NPAS3: variants seen among roughly 807,000 people sequenced by gnomAD.
The protein encoded by NPAS3 is neuronal PAS domain-containing protein 3.
A neutral mutation model predicts 73.1 loss-of-function variants in NPAS3; 14 were observed. The ratio of observed to expected loss-of-function variants is 0.19; its 90% confidence interval spans 0.13 to 0.30. The LOEUF (loss-of-function observed/expected upper bound fraction) is 0.30. NPAS3 is among the 10% of genes least tolerant of loss of function. The pLI is 1.00. For synonymous variants in NPAS3, 620 were observed against 541.5 expected, an observed-to-expected ratio of 1.14 and a Z score of -2.01; for missense variants, 1,096 against 1,250.0, an observed-to-expected ratio of 0.88 and a Z score of 1.86.
At position 33,709,295 on chromosome 14, in the gene NPAS3, T is replaced by C. The variant is rs184932070; in HGVS notation, c.734-25919T>C. Among the ~76,000 whole-genome samples the C allele has an allele frequency of 3.9e-3, 591 of 152,338 alleles. 3 individuals are homozygous for C. The highest frequency in any genetic ancestry group is 6.8e-3 in the Middle Eastern group (2 of 294). On this transcript the variant is annotated intron_variant, in intron 6 of 11. Transcript: ENST00000356141. ...ATGAATAGGAGGTTAATCAGCTTCT[T>C]ATAAATTTTAGCTATTTCAAATTTA... is the stretch of plus-strand genomic sequence containing the variant.
chr14:32,948,800 G>A (rs1026883264), intron 1 of NPAS3, among the ~76,000 whole-genome samples: 2 of 151,852 alleles, frequency 1.3e-5, no homozygotes, highest in Non-Finnish European at 2.9e-5. Flanking sequence ...CATATATATC[G>A]ATTGCGGTAG....
rs192242740 is a variant in NPAS3 at position 33,697,014 on chromosome 14, G to A, written c.733+20629G>A. Among the ~76,000 whole-genome samples the A allele has an allele frequency of 6.6e-5, 10 of 152,262 alleles. No homozygotes were observed. In the East Asian group the frequency reaches 1.9e-3, roughly 29 times the overall value. On this transcript the variant is annotated intron_variant, in intron 6 of 11. Coordinates refer to ENST00000356141, the Ensembl canonical transcript of NPAS3. ...CTTTTCTAATGATACATTCAGTGAT[G>A]GGCCTTTTCTGAGCTATAGAAGAAA...
intron 5 of NPAS3, among the ~76,000 whole-genome samples, chr14:33,579,013 C>G (rs2056557729): frequency 6.6e-6 from 1 of 152,180 alleles, no homozygotes; most frequent in Non-Finnish European, 1.5e-5. Flanking sequence ...ATGACAACAG[C>G]AAGTTATACC....
chr14:33,074,254 CAA>C (rs920893284), intron 2 of NPAS3, among the ~76,000 whole-genome samples: 4 of 152,228 alleles, frequency 2.6e-5, no homozygotes, highest in Admixed American at 1.3e-4. Flanking sequence ...ATATAGGAAA[CAA>C]ATACATGTTA....
chr14:32,949,497 A>G (rs1192442066), intron 1 of NPAS3, among the ~76,000 whole-genome samples: 1 of 152,058 alleles, frequency 6.6e-6, no homozygotes, highest in Non-Finnish European at 1.5e-5. Context: ...TATTGCTCTG[A>G]TATGTGAATG....
At chr14:33,755,584 C>T (rs934725648) in intron 7 of NPAS3, among the ~76,000 whole-genome samples, 4 of 152,036 alleles carry the variant, frequency 2.6e-5, no homozygotes, top group Non-Finnish European at 4.4e-5. Context: ...CACTCTAGAC[C>T]GGGTGGGCGT....
At chr14:32,976,341 A>G (rs2037676163) in intron 1 of NPAS3, among the ~76,000 whole-genome samples, 1 of 152,132 alleles carries the variant, frequency 6.6e-6, no homozygotes, top group South Asian at 2.1e-4. Context: ...GGTGGTTTGT[A>G]GGGAGACTCA....
chr14:33,745,071 T>C (rs1031253782), intron 7 of NPAS3, among the ~76,000 whole-genome samples: 2 of 151,552 alleles, frequency 1.3e-5, no homozygotes, highest in African/African-American at 4.9e-5. Flanking sequence ...CAAGACCCCC[T>C]CTCTACAAAA....
chr14:33,032,777 G>T (rs1389887843), intron 1 of NPAS3, among the ~76,000 whole-genome samples: 1 of 152,164 alleles, frequency 6.6e-6, no homozygotes, highest in African/African-American at 2.4e-5. Context: ...CCCTTCCAGT[G>T]CTTCTGTTAT....
At chr14:33,422,620 A>C (rs1451529300) in intron 4 of NPAS3, among the ~76,000 whole-genome samples, 1 of 151,966 alleles carries the variant, frequency 6.6e-6, no homozygotes, top group African/African-American at 2.4e-5. Flanking sequence ...ATGAGGGCAG[A>C]GTCCCTTTTA....
chr14:33,701,420 C>G (rs1283634681), intron 6 of NPAS3, among the ~76,000 whole-genome samples: 1 of 152,182 alleles, frequency 6.6e-6, no homozygotes, highest in African/African-American at 2.4e-5. Flanking sequence ...ACACTATATG[C>G]AAAACTGCGT....
intron 1 of NPAS3, among the ~76,000 whole-genome samples, chr14:33,037,288 A>G (rs1026486381): frequency 1.3e-5 from 2 of 152,072 alleles, no homozygotes; most frequent in Non-Finnish European, 1.5e-5. Flanking sequence ...GACTTTGCCA[A>G]ACTTCTCGAA....
At chr14:33,215,510 T>C (rs775782650) in intron 3 of NPAS3, 84 bp downstream of exon 3, 4 of 1,428,308 alleles carry the variant, frequency 2.8e-6, no homozygotes, top group Non-Finnish European at 3.9e-6. Flanking sequence ...TCCTTTCTTC[T>C]TTTCCTGCAT....
At chr14:33,527,941 A>G (rs114085088) in intron 4 of NPAS3, among the ~76,000 whole-genome samples, 3 of 152,266 alleles carry the variant, frequency 2.0e-5, no homozygotes, top group African/African-American at 7.2e-5. Context: ...CAAGGAATCC[A>G]GGAATCTTCA....
At chr14:33,159,935 C>T (rs1246407654) in intron 2 of NPAS3, among the ~76,000 whole-genome samples, 2 of 152,092 alleles carry the variant, frequency 1.3e-5, no homozygotes, top group African/African-American at 4.8e-5. Flanking sequence ...ACTGTGCTGG[C>T]TTATGATTTT....
chr14:33,661,889 A>C (rs2059318960), intron 5 of NPAS3, among the ~76,000 whole-genome samples: 1 of 151,754 alleles, frequency 6.6e-6, no homozygotes, highest in Non-Finnish European at 1.5e-5. Context: ...CTTCCCACCC[A>C]CTCCCAACCT....
At chr14:33,651,322 A>C (rs1164128571) in intron 5 of NPAS3, among the ~76,000 whole-genome samples, 1 of 152,170 alleles carries the variant, frequency 6.6e-6, no homozygotes, top group Non-Finnish European at 1.5e-5. Context: ...TGGTACCCCG[A>C]TCATACATAG....
intron 6 of NPAS3, among the ~76,000 whole-genome samples, chr14:33,730,453 G>A (rs1307973025): frequency 2.6e-5 from 4 of 152,186 alleles, no homozygotes; most frequent in Non-Finnish European, 4.4e-5. Flanking sequence ...ATTTCAATAA[G>A]GATTGGCAGG....
At chr14:33,048,928 A>C (rs1057030984) in intron 1 of NPAS3, among the ~76,000 whole-genome samples, 3 of 152,232 alleles carry the variant, frequency 2.0e-5, no homozygotes, top group African/African-American at 4.8e-5. Context: ...ATTTAGGAAG[A>C]GAAGCTTTCG....
Sources: allele counts gnomAD v4.1 joint callset (sites outside exome capture counted in the v4.1 genomes callset), GRCh38; gene constraint gnomAD v4.1.1; transcripts MANE v1.5; gene names NCBI Gene and HGNC (gene_info 2026-07-23, HGNC 2026-07-21).